The following GK5 variants were observed in gnomAD, a reference collection of about 807,000 sequenced individuals.
The protein encoded by GK5 is ATP:glycerol 3-phosphotransferase 5.
A neutral mutation model predicts 77.3 loss-of-function variants in GK5; 39 were observed. That is an observed-to-expected ratio of 0.50 (90% CI 0.39 to 0.66). The LOEUF (loss-of-function observed/expected upper bound fraction) is 0.66, where lower values mean the gene tolerates loss of function less well. GK5 is among the 30% of genes least tolerant of loss of function. The pLI is 0.00. For missense variants in GK5, 487 were observed against 633.8 expected (o/e 0.77, Z 2.49); for synonymous variants, 211 against 208.0 (o/e 1.01, Z -0.13).
intron 11 of GK5, among the ~76,000 whole-genome samples, chr3:142,178,751 C>T (rs1486906733): frequency 6.6e-6 from 1 of 152,132 alleles, no homozygotes; most frequent in African/African-American, 2.4e-5. Context: ...TTTTGGTGGA[C>T]ATATGTATAC....
At chr3:142,192,163 C>T (rs1307754515) in intron 5 of GK5, among the ~76,000 whole-genome samples, 2 of 152,106 alleles carry the variant, frequency 1.3e-5, no homozygotes, top group African/African-American at 4.8e-5. Flanking sequence ...CAATAAGATA[C>T]TACTACACAC....
chr3:142,190,142 C>G (rs2063828421), intron 5 of GK5, among the ~76,000 whole-genome samples: 1 of 151,810 alleles, frequency 6.6e-6, no homozygotes. Flanking sequence ...GTTTTAATAG[C>G]ACATTAGAAA....
chr3:142,180,154 T>C (rs1193892740), intron 11 of GK5, among the ~76,000 whole-genome samples: 1 of 152,180 alleles, frequency 6.6e-6, no homozygotes, highest in Non-Finnish European at 1.5e-5. Flanking sequence ...GAAATCCCTG[T>C]TGCTTGCTTC....
At chr3:142,193,772 G>A (rs1456507318) in intron 5 of GK5, among the ~76,000 whole-genome samples, 1 of 151,940 alleles carries the variant, frequency 6.6e-6, no homozygotes, top group Non-Finnish European at 1.5e-5. Context: ...ACAGCATCTC[G>A]CTCTGTTGCC....
intron 1 of GK5, among the ~76,000 whole-genome samples, chr3:142,222,301 C>T (rs1373911525): frequency 1.3e-5 from 2 of 152,202 alleles, no homozygotes; most frequent in African/African-American, 2.4e-5. Context: ...CGCAGTGGCT[C>T]ATGCCTGTAA....
chr3:142,201,342 C>A (rs563390563), intron 4 of GK5, among the ~76,000 whole-genome samples: 1 of 152,206 alleles, frequency 6.6e-6, no homozygotes, highest in East Asian at 1.9e-4. Flanking sequence ...GAATGAATCT[C>A]CAGGGAATTA....
intron 1 of GK5, 80 bp from the exon 2 acceptor site, chr3:142,215,772 G>A (rs2064268279): frequency 3.2e-6 from 2 of 629,114 alleles, no homozygotes; most frequent in Middle Eastern, 2.7e-4. Flanking sequence ...AAAACTACTG[G>A]TTAAAATAAT....
At chr3:142,169,518 A>C (rs1222600001) in intron 15 of GK5, among the ~76,000 whole-genome samples, 4 of 151,728 alleles carry the variant, frequency 2.6e-5, no homozygotes, top group Non-Finnish European at 5.9e-5. Context: ...CCATCCACTG[A>C]CTCTCACTCT....
chr3:142,171,006 A>T (rs1420479094), intron 14 of GK5, among the ~76,000 whole-genome samples: 1 of 152,156 alleles, frequency 6.6e-6, no homozygotes, highest in African/African-American at 2.4e-5. Flanking sequence ...AAGAGGGCGG[A>T]TCACCTGAGG....
At chr3:142,220,230 C>T (rs924844734) in intron 1 of GK5, among the ~76,000 whole-genome samples, 1 of 152,138 alleles carries the variant, frequency 6.6e-6, no homozygotes, top group African/African-American at 2.4e-5. Flanking sequence ...CTCCACCTCC[C>T]GGGTTCACAC....
At chr3:142,194,112 C>A in intron 5 of GK5, among the ~76,000 whole-genome samples, 1 of 152,022 alleles carries the variant, frequency 6.6e-6, no homozygotes, top group East Asian at 1.9e-4. Flanking sequence ...TAGCTGTGTG[C>A]GGCGGGTCAC....
intron 9 of GK5, chr3:142,185,334 G>A (rs996321423): frequency 4.5e-5 from 16 of 354,920 alleles, no homozygotes; most frequent in African/African-American, 3.4e-4. Flanking sequence ...AATCACCTGA[G>A]CCCAGGAAGC....
At chr3:142,192,799 G>A (rs1048908070) in intron 5 of GK5, among the ~76,000 whole-genome samples, 1 of 151,670 alleles carries the variant, frequency 6.6e-6, no homozygotes, top group Non-Finnish European at 1.5e-5. Context: ...GATAAACTGT[G>A]CCACATTCAG....
intron 5 of GK5, among the ~76,000 whole-genome samples, chr3:142,193,236 A>C (rs1199053776): frequency 2.6e-5 from 4 of 152,194 alleles, no homozygotes; most frequent in African/African-American, 9.7e-5. Context: ...GTAAACCTAA[A>C]ACTACTCTAA....
chr3:142,215,995 A>G (rs1365544531), intron 1 of GK5, among the ~76,000 whole-genome samples: 1 of 152,216 alleles, frequency 6.6e-6, no homozygotes, highest in East Asian at 1.9e-4. Context: ...AAAATTAAAA[A>G]TAAATTTTAA....
chr3:142,196,847 A>G (rs1385574558), intron 5 of GK5, among the ~76,000 whole-genome samples: 3 of 152,150 alleles, frequency 2.0e-5, no homozygotes, highest in East Asian at 3.8e-4. Flanking sequence ...CTGTTAATCA[A>G]ATTTTCTACT....
chr3:142,195,047 C>T (rs1209895619), intron 5 of GK5, among the ~76,000 whole-genome samples: 1 of 151,646 alleles, frequency 6.6e-6, no homozygotes, highest in Non-Finnish European at 1.5e-5. Context: ...TCCTTCTATT[C>T]CTAGTACGTT....
intron 4 of GK5, chr3:142,204,481 C>T: frequency 3.3e-6 from 2 of 599,014 alleles, no homozygotes; most frequent in East Asian, 6.6e-5. Flanking sequence ...AACTCTGGTC[C>T]ACCACAAACC....
In GK5 at chr3:142,159,267, T is replaced by C. The variant is rs1361265752; in HGVS notation, c.*6355A>G. On this transcript the variant is annotated 3_prime_UTR_variant, in exon 16 of 16. Transcript: ENST00000392993. ...AACTGGATCACTCATACATTCCTGG[T>C]GGGAATGTAAGATGGTATAGCCAGT... 6.6e-6 allele frequency: 1 copy of C among 152,156 alleles called. No individual in the cohort carries two copies. Among genetic ancestry groups the C allele is most frequent in the African/African-American group, 2.4e-5 (1 of 41,438 alleles). The allele number at this position is 152,156 out of a possible 1,614,324, so 9.4% of individuals were successfully genotyped here. A position where few individuals can be genotyped will look rare whatever the true frequency, so the allele number is the denominator to read the frequency against.
Sources: allele counts gnomAD v4.1 joint callset (sites outside exome capture counted in the v4.1 genomes callset), GRCh38; gene constraint gnomAD v4.1.1; transcripts MANE v1.5; gene names NCBI Gene and HGNC (gene_info 2026-07-23, HGNC 2026-07-21).